Variants in PKNOX2 observed in about 807,000 individuals in gnomAD.
PKNOX2 encodes PBX/knotted 1 homeobox 2.
A neutral mutation model predicts 53.1 loss-of-function variants in PKNOX2; 14 were observed. The ratio of observed to expected loss-of-function variants is 0.26; its 90% CI spans 0.17 to 0.41. The LOEUF (loss-of-function observed/expected upper bound fraction) is 0.41. Ranked by LOEUF, PKNOX2 falls within the 10% of genes least tolerant of loss-of-function variation. PKNOX2 has a pLI of 1.00. For synonymous variants in PKNOX2, 257 were observed against 242.8 expected, an observed-to-expected ratio of 1.06 and a Z score of -0.54; for missense variants, 496 against 602.8, an observed-to-expected ratio of 0.82 and a Z score of 1.85.
intron 5 of PKNOX2, among the ~76,000 whole-genome samples, chr11:125,381,869 G>A (rs1045812142): frequency 7.2e-5 from 11 of 152,174 alleles, no homozygotes; most frequent in South Asian, 4.1e-4. Context: ...GCGTGACTAC[G>A]TCTCATCATC....
intron 2 of PKNOX2, among the ~76,000 whole-genome samples, chr11:125,273,160 G>T (rs1464987152): frequency 6.6e-6 from 1 of 152,236 alleles, no homozygotes; most frequent in African/African-American, 2.4e-5. Context: ...CCCCAGGCAG[G>T]CTCAGAGTTC....
intron 10 of PKNOX2, among the ~76,000 whole-genome samples, chr11:125,413,386 G>A (rs1955681181): frequency 6.6e-6 from 1 of 152,192 alleles, no homozygotes; most frequent in Non-Finnish European, 1.5e-5. Context: ...AATTGCCTGA[G>A]AGCCAGGGGG....
chr11:125,247,320 G>T (rs1188456796), intron 2 of PKNOX2, among the ~76,000 whole-genome samples: 4 of 152,158 alleles, frequency 2.6e-5, no homozygotes, highest in Non-Finnish European at 2.9e-5. Flanking sequence ...CAACATCTGT[G>T]CTGGGCTCAT....
intron 1 of PKNOX2, among the ~76,000 whole-genome samples, chr11:125,178,609 G>GGAAGGAAAGAAA (rs1555108355): frequency 8.4e-4 from 39 of 46,248 alleles, no homozygotes; most frequent in East Asian, 2.0e-3. Context: ...AAGGAAGGAA[G>GGAAGGAAAGAAA]GAAAGAAAGA....
At chr11:125,206,499 C>T (rs1223502757) in intron 1 of PKNOX2, among the ~76,000 whole-genome samples, 1 of 152,068 alleles carries the variant, frequency 6.6e-6, no homozygotes, top group Non-Finnish European at 1.5e-5. Flanking sequence ...AGGTCACAGA[C>T]AGCCTCAAAT....
intron 2 of PKNOX2, among the ~76,000 whole-genome samples, chr11:125,292,211 A>C (rs991218863): frequency 6.6e-6 from 1 of 152,200 alleles, no homozygotes; most frequent in Non-Finnish European, 1.5e-5. Context: ...CTCAGCATTG[A>C]GTTCTGCCAG....
intron 1 of PKNOX2, among the ~76,000 whole-genome samples, chr11:125,167,338 C>T (rs1954963409): frequency 6.6e-6 from 1 of 152,196 alleles, no homozygotes; most frequent in Non-Finnish European, 1.5e-5. Context: ...GACGCACGAC[C>T]CACGACCCAC....
At chr11:125,188,961 G>A (rs1956618713) in intron 1 of PKNOX2, among the ~76,000 whole-genome samples, 1 of 151,970 alleles carries the variant, frequency 6.6e-6, no homozygotes, top group Non-Finnish European at 1.5e-5. Context: ...GTCCCGTGCT[G>A]GTGCTAATTC....
chr11:125,202,571 A>G (rs1214403673), intron 1 of PKNOX2, among the ~76,000 whole-genome samples: 2 of 152,208 alleles, frequency 1.3e-5, no homozygotes. Context: ...AACTGGCACC[A>G]AGGTGTCCAG....
intron 1 of PKNOX2, among the ~76,000 whole-genome samples, chr11:125,220,463 C>T (rs1240196581): frequency 2.0e-5 from 3 of 152,124 alleles, no homozygotes; most frequent in Admixed American, 1.3e-4. Flanking sequence ...ATCCCCACAG[C>T]TTGGGTGTGG....
At chr11:125,410,993 G>A (rs1955476650) in intron 9 of PKNOX2, 117 bp downstream of exon 9, 6 of 826,202 alleles carry the variant, frequency 7.3e-6, no homozygotes, top group South Asian at 3.2e-5. Flanking sequence ...CATCCTCTAA[G>A]AGGTATCATT....
At chr11:125,259,642 T>C (rs527485438) in intron 2 of PKNOX2, among the ~76,000 whole-genome samples, 2 of 152,316 alleles carry the variant, frequency 1.3e-5, no homozygotes, top group Admixed American at 6.5e-5. Context: ...CTGAAGGGCA[T>C]CCTTGGCATG....
intron 1 of PKNOX2, among the ~76,000 whole-genome samples, chr11:125,222,613 A>ATGTGTGTGTATG (rs1220807387): frequency 1.0e-5 from 1 of 99,380 alleles, no homozygotes; most frequent in Non-Finnish European, 2.2e-5. Flanking sequence ...GTCTGTGTGT[A>ATGTGTGTGTATG]TGTGTGTGTA....
At chr11:125,226,610 A>G (rs1298637653) in intron 1 of PKNOX2, among the ~76,000 whole-genome samples, 1 of 151,388 alleles carries the variant, frequency 6.6e-6, no homozygotes, top group Non-Finnish European at 1.5e-5. Flanking sequence ...AGGTGCCCAA[A>G]TCCTCTCATC....
rs1012955776 is a variant in PKNOX2, at chr11:125,280,939, G to C, written c.-130+45824G>C. On this transcript the variant is annotated intron_variant, in intron 2 of 12. Coordinates refer to ENST00000298282, the MANE Select transcript of PKNOX2 (RefSeq NM_001382323.2). ...TCCAGGAGGCCAAGAGTCTGAGGGT[G>C]TCCAGGTGGAGGTTTCAGATATATG... Among the ~76,000 whole-genome samples the C allele has an allele frequency of 2.6e-5, 4 of 152,322 alleles. No individual in the cohort carries two copies. In the East Asian group the frequency reaches 5.8e-4, roughly 22 times the overall value.
intron 6 of PKNOX2, among the ~76,000 whole-genome samples, chr11:125,388,046 C>T (rs753786522): frequency 3.3e-5 from 5 of 152,110 alleles, no homozygotes; most frequent in South Asian, 2.1e-4. Flanking sequence ...AGGGCCCCTC[C>T]GTCAAGGTGC....
intron 3 of PKNOX2, among the ~76,000 whole-genome samples, chr11:125,347,680 A>G (rs744502): frequency 0.2 from 30,052 of 151,974 alleles, 6,502 homozygotes; most frequent in African/African-American, 0.54. Context: ...CTCTAAAATG[A>G]CATTTTAGTT....
At chr11:125,178,058 A>G (rs902087123) in intron 1 of PKNOX2, among the ~76,000 whole-genome samples, 14 of 152,228 alleles carry the variant, frequency 9.2e-5, no homozygotes, top group African/African-American at 3.1e-4. Context: ...ATTTAGAAGC[A>G]TAGAATCTTC....
intron 2 of PKNOX2, among the ~76,000 whole-genome samples, chr11:125,278,859 T>A (rs1410789400): frequency 6.6e-6 from 1 of 152,190 alleles, no homozygotes; most frequent in African/African-American, 2.4e-5. Flanking sequence ...GGTCATCAGG[T>A]CAATGAGTGG....
Sources: gnomAD v4.1 joint callset for allele counts (sites outside exome capture counted in the v4.1 genomes callset) on GRCh38, gnomAD v4.1.1 for gene constraint, MANE v1.5 for transcripts, NCBI Gene and HGNC (gene_info 2026-07-23, HGNC 2026-07-21) for gene names.